Variants in CDH6 observed in about 807,000 individuals in gnomAD.
CDH6 encodes the protein cadherin-6.
In CDH6, 31 loss-of-function variants were observed where a neutral mutation model predicts 78.0. That is an observed-to-expected ratio of 0.40 (90% CI 0.30 to 0.54). The LOEUF is 0.54. Among genes scored for constraint, CDH6 ranks in the 20% least tolerant of loss-of-function variants. The pLI, the probability that CDH6 is intolerant of heterozygous loss-of-function variation, is 0.56. For synonymous variants in CDH6, 376 were observed against 368.8 expected, an observed-to-expected ratio of 1.02 and a Z score of -0.23; for missense variants, 724 against 975.9, an observed-to-expected ratio of 0.74 and a Z score of 3.44.
Position 31,294,352 on chromosome 5 carries a change from T to A in CDH6, c.523+96T>A. ...AGCTCAAAGTACTGAACTGCATGAA[T>A]TTAGATGCTAACTTCTTCAATCCAT... On this transcript the variant is annotated intron_variant, in intron 3 of 11. Coordinates refer to ENST00000265071, the MANE Select transcript of CDH6 (RefSeq NM_004932.4). This position sits in a 1 kb window ranked among gnomAD's most constrained non-coding sequence, Gnocchi z 4.1. 4.3e-6 allele frequency: 4 copies of A among 935,460 alleles called. No homozygotes were observed. The highest frequency in any genetic ancestry group is 6.6e-6 in the Non-Finnish European group (4 of 601,712). 57.9% of individuals were successfully genotyped at this position (935,460 alleles called of 1,614,324 possible).
At chr5:31,302,841 A>AGGG in intron 6 of CDH6, among the ~76,000 whole-genome samples, 3 of 147,590 alleles carry the variant, frequency 2.0e-5, no homozygotes, top group African/African-American at 7.6e-5. Flanking sequence ...AGAAAGAAAG[A>AGGG]AAGAAAGAAA....
chr5:31,250,595 C>T (rs1741882503), intron 1 of CDH6: 1 of 152,460 alleles, frequency 6.6e-6, no homozygotes, highest in Non-Finnish European at 1.5e-5. Context: ...GCAGTACTGC[C>T]CTGTAAGGAC....
chr5:31,230,797 TA>T (rs1358403537), intron 1 of CDH6, among the ~76,000 whole-genome samples: 1 of 152,122 alleles, frequency 6.6e-6, no homozygotes, highest in Non-Finnish European at 1.5e-5. Context: ...CAAAAGAAGC[TA>T]AACAATACAG....
At chr5:31,272,594 G>T (rs1742558051) in intron 2 of CDH6, among the ~76,000 whole-genome samples, 1 of 152,268 alleles carries the variant, frequency 6.6e-6, no homozygotes, top group African/African-American at 2.4e-5. Flanking sequence ...ATACAAAGAT[G>T]AATTTACTTA....
chr5:31,213,174 G>A (rs1740763773), intron 1 of CDH6, among the ~76,000 whole-genome samples: 1 of 152,156 alleles, frequency 6.6e-6, no homozygotes, highest in African/African-American at 2.4e-5. Context: ...AGATAATAGG[G>A]ATGTTATCTG....
intron 1 of CDH6, among the ~76,000 whole-genome samples, chr5:31,244,131 TGCCTATTTTTCTAACTGA>T (rs1293155298): frequency 2.0e-4 from 30 of 152,224 alleles, no homozygotes; most frequent in Non-Finnish European, 3.4e-4. Context: ...AGGAAGTATT[TGCCTATTTTTCTAACTGA>T]ATTAAGCCAG....
chr5:31,268,609 C>G (rs1742428665), intron 2 of CDH6, among the ~76,000 whole-genome samples: 1 of 152,212 alleles, frequency 6.6e-6, no homozygotes, highest in Admixed American at 6.5e-5. Context: ...CATTGTCACA[C>G]ATCCCTTCAT....
At chr5:31,262,251 C>T (rs1466108117) in intron 1 of CDH6, among the ~76,000 whole-genome samples, 1 of 152,170 alleles carries the variant, frequency 6.6e-6, no homozygotes, top group Non-Finnish European at 1.5e-5. Flanking sequence ...TATTGGCTGC[C>T]AGGCAAATAA....
At chr5:31,212,798 A>G (rs1740749474) in intron 1 of CDH6, among the ~76,000 whole-genome samples, 1 of 152,048 alleles carries the variant, frequency 6.6e-6, no homozygotes, top group African/African-American at 2.4e-5. Flanking sequence ...CTCCACCACC[A>G]AAAATGCCCC....
chr5:31,206,719 A>T (rs1740531910), intron 1 of CDH6, among the ~76,000 whole-genome samples: 1 of 152,218 alleles, frequency 6.6e-6, no homozygotes, highest in Non-Finnish European at 1.5e-5. Flanking sequence ...CTAGCTTTGT[A>T]TATAATGAAT....
At chr5:31,220,851 G>A (rs1740985431) in intron 1 of CDH6, among the ~76,000 whole-genome samples, 1 of 152,142 alleles carries the variant, frequency 6.6e-6, no homozygotes, top group African/African-American at 2.4e-5. Context: ...CAGGAAGAGG[G>A]GTCAGCATGG....
intron 2 of CDH6, among the ~76,000 whole-genome samples, chr5:31,271,674 T>G (rs1027275835): frequency 6.6e-6 from 1 of 152,106 alleles, no homozygotes; most frequent in African/African-American, 2.4e-5. Context: ...AAAAACGGGA[T>G]GTGATTGTTT....
intron 1 of CDH6, among the ~76,000 whole-genome samples, chr5:31,222,008 A>G (rs1393697716): frequency 6.6e-6 from 1 of 152,192 alleles, no homozygotes. Context: ...CAGCTTTAGA[A>G]TGTGTTAGCT....
At chr5:31,315,830 C>G (rs988247178) in intron 8 of CDH6, among the ~76,000 whole-genome samples, 1 of 152,214 alleles carries the variant, frequency 6.6e-6, no homozygotes, top group Non-Finnish European at 1.5e-5. Context: ...AATAACTATC[C>G]TTTGGTCTTC....
intron 2 of CDH6, among the ~76,000 whole-genome samples, chr5:31,289,976 A>G (rs1170245111): frequency 6.6e-6 from 1 of 151,980 alleles, no homozygotes; most frequent in Non-Finnish European, 1.5e-5. Flanking sequence ...AAAAAAAAAA[A>G]TGGGCACAGT....
chr5:31,317,519 A>G (rs956393998), intron 10 of CDH6, 27 bp downstream of exon 10: 10 of 1,517,668 alleles, frequency 6.6e-6, no homozygotes, highest in Non-Finnish European at 8.2e-6. Context: ...TACCTTCTCT[A>G]TCTATCTCCA....
At chr5:31,281,799 G>A (rs1030721376) in intron 2 of CDH6, among the ~76,000 whole-genome samples, 1 of 152,142 alleles carries the variant, frequency 6.6e-6, no homozygotes, top group African/African-American at 2.4e-5. Context: ...ATCAGTGTGG[G>A]GAGGGTTGCT....
intron 2 of CDH6, among the ~76,000 whole-genome samples, chr5:31,284,606 C>T (rs1742964882): frequency 1.3e-5 from 2 of 152,208 alleles, no homozygotes; most frequent in South Asian, 4.1e-4. Context: ...ACAAAGAAAT[C>T]CTGTAGCTAG....
chr5:31,311,189 A>C (rs1013735106), intron 7 of CDH6, among the ~76,000 whole-genome samples: 1 of 152,232 alleles, frequency 6.6e-6, no homozygotes, highest in African/African-American at 2.4e-5. Flanking sequence ...TGCTGCTTAG[A>C]AACTTCTTCT....
Sources: gnomAD v4.1 joint callset for allele counts (sites outside exome capture counted in the v4.1 genomes callset) on GRCh38, gnomAD v4.1.1 for gene constraint, Gnocchi (gnomAD v3.1) non-coding constraint, MANE v1.5 for transcripts, NCBI Gene and HGNC (gene_info 2026-07-23, HGNC 2026-07-21) for gene names.